The following SCML4 variants were observed in gnomAD, a reference collection of about 807,000 sequenced individuals.
SCML4 encodes the protein Scm polycomb group protein like 4, also known as sex comb on midleg-like protein 4.
SCML4 carries 34 observed loss-of-function variants against 41.1 expected under a neutral mutation model. That is an observed-to-expected ratio of 0.83 (90% CI 0.63 to 1.10). The LOEUF (loss-of-function observed/expected upper bound fraction) is 1.10. Among genes scored for constraint, SCML4 ranks in the 50% least tolerant of loss-of-function variants. The pLI is 0.00. For synonymous variants in SCML4, 214 were observed against 220.9 expected (o/e 0.97, Z 0.28); for missense variants, 522 against 534.1 (o/e 0.98, Z 0.22).
chr6:107,807,264 G>C (rs542825340), intron 1 of SCML4, among the ~76,000 whole-genome samples: 1 of 152,160 alleles, frequency 6.6e-6, no homozygotes, highest in Non-Finnish European at 1.5e-5. Flanking sequence ...CCACCACTTT[G>C]TTAAAGCAAG....
rs146091625 is a variant in SCML4, at chr6:107,729,579, A to C, written c.683-8586T>G. On this transcript the variant is annotated intron_variant, in intron 5 of 7. Transcript: ENST00000369020. Reference sequence around the variant, plus strand: ...ACGATTCAGCCTACGACAACCAGTAAATGTTTTTTTATTGTCATGTATTTC... The same window carrying C: ...ACGATTCAGCCTACGACAACCAGTACATGTTTTTTTATTGTCATGTATTTC... Among the ~76,000 whole-genome samples the C allele has an allele frequency of 7.9e-5, 12 of 152,346 alleles. No homozygotes were observed. In the East Asian group the frequency reaches 2.3e-3, roughly 29 times the overall value.
At chr6:107,763,323 G>T (rs926136244) in intron 2 of SCML4, among the ~76,000 whole-genome samples, 2 of 151,802 alleles carry the variant, frequency 1.3e-5, no homozygotes, top group Non-Finnish European at 2.9e-5. Context: ...CCTTTGGGAG[G>T]TACTTAGGTT....
At chr6:107,837,889 C>T in the SCML4 span, among the ~76,000 whole-genome samples, 1 of 150,324 alleles carries the variant, frequency 6.7e-6, no homozygotes, top group African/African-American at 2.4e-5. Flanking sequence ...AATAACCTCA[C>T]CATTATTATG....
chr6:107,836,578 A>G, the SCML4 span, among the ~76,000 whole-genome samples: 1 of 152,306 alleles, frequency 6.6e-6, no homozygotes, highest in Non-Finnish European at 1.5e-5. Flanking sequence ...CACAGCATAC[A>G]GAATTGTTCA....
chr6:107,800,650 T>C (rs966363384), intron 1 of SCML4, among the ~76,000 whole-genome samples: 2 of 152,218 alleles, frequency 1.3e-5, no homozygotes, highest in African/African-American at 2.4e-5. Flanking sequence ...CTTAAGAATT[T>C]ATTGCTTTTC....
At chr6:107,806,188 C>CT (rs935267813) in intron 1 of SCML4, among the ~76,000 whole-genome samples, 1 of 7,370 alleles carries the variant, frequency 1.4e-4, no homozygotes, top group Admixed American at 3.5e-3. Context: ...CAGAGATTTC[C>CT]CCCCCCCCAA....
At chr6:107,733,735 C>T (rs1776779074) in intron 5 of SCML4, among the ~76,000 whole-genome samples, 1 of 152,256 alleles carries the variant, frequency 6.6e-6, no homozygotes, top group African/African-American at 2.4e-5. Context: ...TTTGTTTCCA[C>T]CAGTCCTTGT....
intron 1 of SCML4, among the ~76,000 whole-genome samples, chr6:107,813,876 T>C (rs1487052200): frequency 6.6e-6 from 1 of 152,214 alleles, no homozygotes; most frequent in Non-Finnish European, 1.5e-5. Flanking sequence ...TCTTCACCCA[T>C]GTGTCTGATC....
At chr6:107,723,027 C>G (rs200298340) in intron 5 of SCML4, among the ~76,000 whole-genome samples, 1 of 151,702 alleles carries the variant, frequency 6.6e-6, no homozygotes, top group East Asian at 1.9e-4. Flanking sequence ...AAGCCTTTAG[C>G]TACATTGACA....
intron 6 of SCML4, chr6:107,720,429 A>C: frequency 8.9e-7 from 1 of 1,125,930 alleles, no homozygotes; most frequent in Non-Finnish European, 1.1e-6. Context: ...GCTCTCGAAC[A>C]AAAATTTCTA....
intron 2 of SCML4, among the ~76,000 whole-genome samples, chr6:107,759,132 C>CAAAAAAAAAAA (rs60124415): frequency 9.1e-4 from 80 of 88,208 alleles, no homozygotes; most frequent in African/African-American, 1.8e-3. Context: ...ACAAAAAATA[C>CAAAAAAAAAAA]AAAAAAAAAA....
At chr6:107,747,033 T>C in intron 3 of SCML4, 144 bp from the exon 4 acceptor site, 1 of 641,162 alleles carries the variant, frequency 1.6e-6, no homozygotes. Context: ...TGGGGTGGAT[T>C]CTTCCCAACT....
intron 5 of SCML4, among the ~76,000 whole-genome samples, chr6:107,725,948 G>A (rs1295419122): frequency 1.3e-5 from 2 of 151,682 alleles, no homozygotes; most frequent in African/African-American, 4.8e-5. Flanking sequence ...ATGGTGATGC[G>A]AGTCTGTAAT....
chr6:107,840,937 G>A, the SCML4 span, among the ~76,000 whole-genome samples: 7 of 152,078 alleles, frequency 4.6e-5, no homozygotes, highest in South Asian at 2.1e-4. Context: ...TGGGAGTAAC[G>A]TTAACTCCTA....
intron 6 of SCML4, among the ~76,000 whole-genome samples, chr6:107,711,338 G>A (rs1029276286): frequency 5.3e-5 from 8 of 152,094 alleles, no homozygotes; most frequent in South Asian, 2.1e-4. Context: ...GTCATGCACC[G>A]CCTAAGGACG....
Position 107,705,225 on chromosome 6 carries a change from T to C in SCML4, c.1220A>G (p.Asp407Gly). The change falls in exon 8 of 8, where the codon GAC becomes GGC. Residue 407 changes from aspartate to glycine, a missense_variant. Physicochemically the swap from Asp to Gly is moderately conservative, Grantham distance 94. Transcript: ENST00000369020. Reference sequence around the variant, plus strand: ...TCAGAACTTGGCTTGCTTCAGTTTGTCAATGTGGTAGCAGAGTTTCAGTGC... The same window carrying C: ...TCAGAACTTGGCTTGCTTCAGTTTGCCAATGTGGTAGCAGAGTTTCAGTGC... ...GPALKLCYHI[D>G]KLKQAKF 6.4e-7 allele frequency: 1 copy of C among 1,551,700 alleles called. No homozygotes were observed. Among genetic ancestry groups the C allele is most frequent in the Non-Finnish European group, 8.7e-7 (1 of 1,146,972 alleles).
upstream of SCML4, among the ~76,000 whole-genome samples, chr6:107,826,918 C>T (rs926459711): frequency 2.0e-5 from 3 of 151,800 alleles, no homozygotes; most frequent in Admixed American, 1.3e-4. Context: ...AAAAAATTAG[C>T]TGGGAGTGGT....
chr6:107,787,420 C>T (rs1194915668), intron 1 of SCML4, among the ~76,000 whole-genome samples: 1 of 152,122 alleles, frequency 6.6e-6, no homozygotes, highest in African/African-American at 2.4e-5. Flanking sequence ...CACTCACATC[C>T]CACAGTGTAA....
At chr6:107,816,487 T>C (rs112946289) in intron 1 of SCML4, among the ~76,000 whole-genome samples, 7,483 of 152,232 alleles carry the variant, frequency 0.049, 623 homozygotes, top group African/African-American at 0.17. Context: ...CTGGAATCCG[T>C]GCGGTTCCAT....
Sources: allele counts gnomAD v4.1 joint callset (sites outside exome capture counted in the v4.1 genomes callset), GRCh38; gene constraint gnomAD v4.1.1; transcripts MANE v1.5; gene names NCBI Gene and HGNC (gene_info 2026-07-23, HGNC 2026-07-21).